The following DNAH3 variants were observed in gnomAD, a reference collection of about 807,000 sequenced individuals.
The protein encoded by DNAH3 is axonemal beta dynein heavy chain 3.
Under a neutral mutation model 432.5 loss-of-function variants are expected in DNAH3, and 332 were observed. That is an observed-to-expected ratio of 0.77 (90% CI 0.70 to 0.84). DNAH3 has a LOEUF of 0.84. DNAH3 is among the 40% of genes least tolerant of loss of function. DNAH3 has a pLI of 0.00. For synonymous variants in DNAH3, 1,956 were observed against 1,900.2 expected (o/e 1.03, Z -0.76); for missense variants, 4,861 against 5,114.0 (o/e 0.95, Z 1.51).
In DNAH3 at chr16:20,988,150, C is replaced by A. The variant is rs529905638; in HGVS notation, c.6602-85G>T. On this transcript the variant is annotated intron_variant, in intron 44 of 61. Transcript: ENST00000261383. ...TGACCCTAGGATGCACACGAGGTGG[C>A]TTTGCCTTCTGCCTTCATGTTCCAG... The A allele has an allele frequency of 7.3e-5, 113 of 1,556,092 alleles. No homozygotes were observed. The African/African-American group carries it at 1.1e-3, about 15-fold the overall frequency.
intron 18 of DNAH3, among the ~76,000 whole-genome samples, chr16:21,093,321 T>C (rs1385430861): frequency 2.0e-5 from 3 of 152,034 alleles, no homozygotes; most frequent in Non-Finnish European, 4.4e-5. Flanking sequence ...CATACATCAT[T>C]TACAATAGCT....
chr16:21,016,764 A>C (rs1411034246), intron 41 of DNAH3, among the ~76,000 whole-genome samples: 1 of 152,268 alleles, frequency 6.6e-6, no homozygotes, highest in Non-Finnish European at 1.5e-5. Flanking sequence ...TCAAGGATCC[A>C]CTGACAGATG....
chr16:21,120,105 C>CTTTT (rs35011784), intron 11 of DNAH3, among the ~76,000 whole-genome samples: 6 of 128,580 alleles, frequency 4.7e-5, no homozygotes, highest in East Asian at 4.5e-4. Flanking sequence ...TCCCTACCAA[C>CTTTT]TTTTTTTTTT....
intron 12 of DNAH3, among the ~76,000 whole-genome samples, chr16:21,112,846 A>G (rs1052975067): frequency 2.0e-5 from 3 of 152,160 alleles, no homozygotes; most frequent in Admixed American, 6.6e-5. Context: ...GGAGCTTTAA[A>G]GTTTGACTGT....
chr16:20,939,596 G>A (rs2083726845), intron 59 of DNAH3, among the ~76,000 whole-genome samples: 1 of 145,470 alleles, frequency 6.9e-6, no homozygotes, highest in African/African-American at 2.6e-5. Context: ...TGGGTGACAA[G>A]AGTGAGACTC....
chr16:20,963,511 T>C, exon 53 of DNAH3: 3 of 1,614,088 alleles, frequency 1.9e-6, no homozygotes, highest in Non-Finnish European at 2.5e-6. Context: ...AGGGAGTTGC[T>C]CCTCATGGGG....
chr16:21,073,524 T>C (rs531265434), intron 21 of DNAH3, among the ~76,000 whole-genome samples: 1 of 142,050 alleles, frequency 7.0e-6, no homozygotes, highest in African/African-American at 2.6e-5. Context: ...TATAGTTCTG[T>C]TGGGTCTCAG....
chr16:21,157,024 C>CACACACACACACACACACACACAA (rs894378535), intron 1 of DNAH3, among the ~76,000 whole-genome samples: 1 of 151,764 alleles, frequency 6.6e-6, no homozygotes, highest in African/African-American at 2.4e-5. Flanking sequence ...CACACACACA[C>CACACACACACACACACACACACAA]AATCTTTTCC....
intron 6 of DNAH3, among the ~76,000 whole-genome samples, chr16:21,134,996 A>G (rs2092623164): frequency 6.6e-6 from 1 of 152,030 alleles, no homozygotes; most frequent in Non-Finnish European, 1.5e-5. Context: ...CCTTAGCTTC[A>G]ACTCTTAGAA....
chr16:20,980,303 TTATATTATATATTATAATATATAC>T (rs995035192), intron 49 of DNAH3, among the ~76,000 whole-genome samples: 4 of 142,474 alleles, frequency 2.8e-5, no homozygotes, highest in African/African-American at 1.0e-4. Context: ...ACATCATATA[TTATATTATATATTATAATATATAC>T]TATATTATAT....
At chr16:21,002,464 T>TATTATC (rs751497228) in intron 42 of DNAH3, among the ~76,000 whole-genome samples, 101 of 151,246 alleles carry the variant, frequency 6.7e-4, no homozygotes, top group Non-Finnish European at 9.6e-4. Flanking sequence ...TTATTATTAT[T>TATTATC]ATTATTATTA....
intron 53 of DNAH3, among the ~76,000 whole-genome samples, chr16:20,960,025 C>G (rs1370457031): frequency 1.3e-5 from 2 of 151,978 alleles, no homozygotes; most frequent in Admixed American, 6.6e-5. Flanking sequence ...TCTCACTTCT[C>G]TCTTCTCAGT....
At chr16:21,058,052 ATC>A (rs746557187) in intron 27 of DNAH3, 32 bp downstream of exon 27, 1 of 1,188,616 alleles carries the variant, frequency 8.4e-7, no homozygotes, top group Non-Finnish European at 1.3e-6. Flanking sequence ...TGATGCTTGG[ATC>A]TCTTCTGTAA....
At chr16:21,051,946 T>A in intron 28 of DNAH3, 78 bp from the exon 29 acceptor site, 1 of 1,205,122 alleles carries the variant, frequency 8.3e-7, no homozygotes, top group Non-Finnish European at 1.2e-6. Context: ...CAGTTACAAG[T>A]GGATGTTATC....
rs1384123055 is a variant in DNAH3 at position 21,122,225 on chromosome 16, A to C, written c.1405-101T>G. 1.0e-5 allele frequency: 10 copies of C among 954,724 alleles called. No homozygotes were observed. In the African/African-American group the frequency reaches 1.1e-4, roughly 11 times the overall value. The allele number at this position is 954,724 out of a possible 1,614,324, so 59.1% of individuals were successfully genotyped here. On this transcript the variant is annotated intron_variant, in intron 9 of 61. Transcript: ENST00000261383. ...CATAGAACTACATGAGGACCAGAAA[A>C]GGCAATGAAGGGCATCATACACTGT... is the stretch of plus-strand genomic sequence containing the variant.
In DNAH3 at chr16:21,073,282, G is replaced by C. The variant is rs118159541; in HGVS notation, c.3084+2165C>G. 4.6e-5 allele frequency among the ~76,000 whole-genome samples: 7 copies of C among 152,306 alleles called. No homozygotes were observed. The East Asian group carries it at 9.6e-4, about 21-fold the overall frequency. On this transcript the variant is annotated intron_variant, in intron 21 of 61. Coordinates refer to ENST00000261383, the Ensembl canonical transcript of DNAH3. ...CCCATTTAGCTACTGATCCTTGTCT[G>C]TAGTTACTTTAGGCAAAAACTCTGC...
At chr16:21,059,747 C>T (rs2090277705) in intron 26 of DNAH3, among the ~76,000 whole-genome samples, 2 of 150,898 alleles carry the variant, frequency 1.3e-5, no homozygotes, top group South Asian at 4.2e-4. Flanking sequence ...TGCATTTCAG[C>T]CCTGGGAGAC....
intron 41 of DNAH3, chr16:21,019,313 C>A (rs1042330861): frequency 1.7e-5 from 6 of 343,710 alleles, no homozygotes; most frequent in Non-Finnish European, 3.3e-5. Flanking sequence ...CATGCCACCA[C>A]ACCCAGCTAA....
At chr16:20,994,697 T>C (rs2086690220) in intron 44 of DNAH3, among the ~76,000 whole-genome samples, 1 of 152,186 alleles carries the variant, frequency 6.6e-6, no homozygotes, top group South Asian at 2.1e-4. Flanking sequence ...TTTTTGTCTC[T>C]GTCAATTTGA....
Sources: allele counts gnomAD v4.1 joint callset (sites outside exome capture counted in the v4.1 genomes callset), GRCh38; gene constraint gnomAD v4.1.1; transcripts MANE v1.5; gene names NCBI Gene and HGNC (gene_info 2026-07-23, HGNC 2026-07-21).